Variants in PDE1C observed in about 807,000 individuals in gnomAD.
The protein encoded by PDE1C is phosphodiesterase 1C.
PDE1C carries 62 observed loss-of-function variants against 93.1 expected under a neutral mutation model. The observed-to-expected ratio is 0.67, with a 90% CI of 0.54 to 0.82. PDE1C has a LOEUF of 0.82. PDE1C is among the 40% of genes least tolerant of loss of function. The pLI is 0.00. For missense variants in PDE1C, 742 were observed against 884.6 expected, an observed-to-expected ratio of 0.84 and a Z score of 2.04; for synonymous variants, 325 against 310.1, an observed-to-expected ratio of 1.05 and a Z score of -0.50.
intron 3 of PDE1C, among the ~76,000 whole-genome samples, chr7:32,085,533 A>G (rs1044833813): frequency 4.0e-5 from 6 of 148,968 alleles, no homozygotes; most frequent in African/African-American, 1.5e-4. Context: ...TACCAAAGCC[A>G]GTCAGAGACA....
At chr7:32,292,077 G>A (rs965313878) in intron 1 of PDE1C, among the ~76,000 whole-genome samples, 1 of 152,070 alleles carries the variant, frequency 6.6e-6, no homozygotes, top group Non-Finnish European at 1.5e-5. Context: ...TCACAATTTT[G>A]AATGTCTTGA....
At chr7:32,247,493 TG>T (rs1294653263) in intron 1 of PDE1C, among the ~76,000 whole-genome samples, 8 of 121,958 alleles carry the variant, frequency 6.6e-5, no homozygotes, top group Non-Finnish European at 1.5e-4. Context: ...GGATAAAACT[TG>T]GCCTGGAAGA....
chr7:31,962,782 G>A (rs1809207650), intron 2 of PDE1C, among the ~76,000 whole-genome samples: 1 of 152,164 alleles, frequency 6.6e-6, no homozygotes, highest in Admixed American at 6.6e-5. Flanking sequence ...ATTAGAGTTT[G>A]ACATCTAAGG....
intron 11 of PDE1C, among the ~76,000 whole-genome samples, chr7:31,833,335 T>G (rs1158610350): frequency 6.6e-6 from 1 of 152,190 alleles, no homozygotes; most frequent in East Asian, 1.9e-4. Flanking sequence ...GAAAATGAAC[T>G]AATACAGTAA....
At chr7:32,180,566 T>C (rs1270628906) in intron 2 of PDE1C, among the ~76,000 whole-genome samples, 2 of 152,196 alleles carry the variant, frequency 1.3e-5, no homozygotes, top group East Asian at 3.9e-4. Context: ...GTCATCATCT[T>C]GGAAGCAGAA....
the PDE1C span, chr7:31,708,032 T>G: frequency 6.6e-6 from 1 of 152,240 alleles, no homozygotes; most frequent in Admixed American, 6.5e-5. Context: ...TCATTATCAA[T>G]GGTAGATAAA....
In PDE1C at chr7:31,762,086, G is replaced by A. The variant is rs571789896; in HGVS notation, c.1961-8533C>T. Among the ~76,000 whole-genome samples, 13 of 152,270 alleles carry A rather than the reference G, an allele frequency of 8.5e-5. No individual in the cohort carries two copies. The South Asian group carries it at 1.0e-3, about 12-fold the overall frequency. Reference sequence around the variant, plus strand: ...ACTATCTAGAAGATTTGCAAGTGCCGGGAAAATTTAGTAGCAGCATGCTTT... The same window carrying A: ...ACTATCTAGAAGATTTGCAAGTGCCAGGAAAATTTAGTAGCAGCATGCTTT... On this transcript the variant is annotated intron_variant, in intron 17 of 17. Coordinates refer to ENST00000396191, the MANE Select transcript of PDE1C (RefSeq NM_001191057.4).
intron 1 of PDE1C, among the ~76,000 whole-genome samples, chr7:32,262,460 G>A (rs1018288947): frequency 3.9e-5 from 6 of 152,212 alleles, no homozygotes; most frequent in Non-Finnish European, 8.8e-5. Context: ...GAGCACTGCC[G>A]TGCAGCCTGC....
chr7:32,034,608 T>A (rs1790794212), intron 2 of PDE1C, among the ~76,000 whole-genome samples: 2 of 152,152 alleles, frequency 1.3e-5, no homozygotes, highest in African/African-American at 2.4e-5. Context: ...GCACAAAAAA[T>A]CTAAACAGGA....
the PDE1C span, chr7:31,695,877 C>G: frequency 3.4e-6 from 1 of 294,442 alleles, no homozygotes; most frequent in Non-Finnish European, 6.2e-6. Context: ...GAGGCAAGCT[C>G]TGCTTCAAAG....
intron 3 of PDE1C, among the ~76,000 whole-genome samples, chr7:32,108,086 T>C (rs995110351): frequency 2.6e-5 from 4 of 151,134 alleles, no homozygotes; most frequent in South Asian, 4.2e-4. Context: ...AAGATAAAAA[T>C]GAAACACAGA....
intron 1 of PDE1C, among the ~76,000 whole-genome samples, chr7:32,258,228 C>A (rs1809947074): frequency 6.6e-6 from 1 of 152,182 alleles, no homozygotes. Context: ...AGTTCCCTAA[C>A]CTCTTAGATT....
chr7:31,776,939 G>A (rs950121232), intron 16 of PDE1C, among the ~76,000 whole-genome samples: 1 of 140,124 alleles, frequency 7.1e-6, no homozygotes, highest in African/African-American at 2.7e-5. Flanking sequence ...TGATTGAGAA[G>A]ACCCTATGTG....
chr7:31,909,919 C>A (rs944054422), intron 2 of PDE1C, among the ~76,000 whole-genome samples: 1 of 152,114 alleles, frequency 6.6e-6, no homozygotes, highest in African/African-American at 2.4e-5. Context: ...CTGTCCCATG[C>A]AGTGTAGCAT....
chr7:32,006,647 C>T (rs1786299057), intron 2 of PDE1C, among the ~76,000 whole-genome samples: 1 of 152,186 alleles, frequency 6.6e-6, no homozygotes, highest in South Asian at 2.1e-4. Flanking sequence ...TGTTTTTCTT[C>T]TACTCATAGG....
At chr7:32,260,863 G>C in intron 1 of PDE1C, among the ~76,000 whole-genome samples, 1 of 152,236 alleles carries the variant, frequency 6.6e-6, no homozygotes, top group East Asian at 1.9e-4. Context: ...GCTCATGCCT[G>C]TAATCCCAGC....
At chr7:31,621,862 A>G in the PDE1C span, among the ~76,000 whole-genome samples, 1 of 152,012 alleles carries the variant, frequency 6.6e-6, no homozygotes, top group East Asian at 1.9e-4. Context: ...CAGGAAACCC[A>G]TCTCACATGC....
chr7:32,076,948 A>C (rs1357369715), intron 3 of PDE1C, among the ~76,000 whole-genome samples: 2 of 151,982 alleles, frequency 1.3e-5, no homozygotes, highest in African/African-American at 4.8e-5. Flanking sequence ...AAAAAAAAAA[A>C]AAACAGGGCC....
chr7:32,413,950 T>A (rs924130125), intron 1 of PDE1C, among the ~76,000 whole-genome samples: 10 of 152,242 alleles, frequency 6.6e-5, no homozygotes, highest in African/African-American at 2.4e-4. Context: ...CGTTGGTTCA[T>A]GCCTGTAATC....
Sources: allele counts gnomAD v4.1 joint callset (sites outside exome capture counted in the v4.1 genomes callset), GRCh38; gene constraint gnomAD v4.1.1; transcripts MANE v1.5; gene names NCBI Gene and HGNC (gene_info 2026-07-23, HGNC 2026-07-21).